The following PTPRG variants were observed in gnomAD, a reference collection of about 807,000 sequenced individuals.
The protein encoded by PTPRG is receptor-type tyrosine-protein phosphatase gamma.
Under a neutral mutation model 165.3 loss-of-function variants are expected in PTPRG, and 102 were observed. The observed-to-expected ratio is 0.62, with a 90% CI of 0.53 to 0.73. The LOEUF (loss-of-function observed/expected upper bound fraction) is 0.73, where lower values mean the gene tolerates loss of function less well. PTPRG is among the 30% of genes least tolerant of loss of function. The probability of loss-of-function intolerance (pLI) is 0.00; values close to 1 mark genes in which losing one functional copy is unlikely to be tolerated. For synonymous variants in PTPRG, 675 were observed against 669.5 expected, an observed-to-expected ratio of 1.01 and a Z score of -0.13; for missense variants, 1,866 against 1,861.4, an observed-to-expected ratio of 1.00 and a Z score of -0.05.
intron 3 of PTPRG, among the ~76,000 whole-genome samples, chr3:62,000,565 G>T (rs924850983): frequency 3.9e-5 from 6 of 152,158 alleles, no homozygotes; most frequent in Non-Finnish European, 5.9e-5. Flanking sequence ...ATTTTCTTGA[G>T]AAGCCTTCTC....
chr3:62,068,694 A>C (rs1031900498), intron 4 of PTPRG, among the ~76,000 whole-genome samples: 1 of 152,020 alleles, frequency 6.6e-6, no homozygotes, highest in African/African-American at 2.4e-5. Flanking sequence ...AGGTCTCCCT[A>C]TGTTTCTCAG....
chr3:61,758,794 T>G (rs1198169817), intron 2 of PTPRG, among the ~76,000 whole-genome samples: 2 of 152,078 alleles, frequency 1.3e-5, no homozygotes, highest in African/African-American at 4.8e-5. Context: ...CTTCTCTTGG[T>G]GGGGTGGTCT....
intron 4 of PTPRG, among the ~76,000 whole-genome samples, chr3:62,017,496 A>G (rs1258484213): frequency 2.0e-5 from 3 of 151,310 alleles, no homozygotes; most frequent in African/African-American, 7.3e-5. Context: ...GCTCACTGCG[A>G]GCTCCGCCTC....
chr3:61,989,239 G>A (rs2040829462), intron 2 of PTPRG, among the ~76,000 whole-genome samples: 1 of 152,062 alleles, frequency 6.6e-6, no homozygotes, highest in Non-Finnish European at 1.5e-5. Context: ...TTGTATTTAG[G>A]ATATTGCCCA....
At chr3:61,801,619 T>C (rs1249134862) in intron 2 of PTPRG, among the ~76,000 whole-genome samples, 1 of 152,092 alleles carries the variant, frequency 6.6e-6, no homozygotes, top group Non-Finnish European at 1.5e-5. Context: ...AACGTCTGTG[T>C]TGGCCTCAGT....
chr3:62,001,647 GATATT>G (rs1366357314), intron 3 of PTPRG, among the ~76,000 whole-genome samples: 2 of 151,672 alleles, frequency 1.3e-5, no homozygotes, highest in South Asian at 2.1e-4. Context: ...TATCTTCTAA[GATATT>G]ATATTTTAAG....
At chr3:61,645,175 A>G (rs1261701383) in intron 1 of PTPRG, among the ~76,000 whole-genome samples, 8 of 152,350 alleles carry the variant, frequency 5.3e-5, no homozygotes, top group East Asian at 1.9e-4. Context: ...AATATTGACA[A>G]TGATTAACAC....
At chr3:61,718,311 A>C (rs1453338687) in intron 1 of PTPRG, among the ~76,000 whole-genome samples, 1 of 151,392 alleles carries the variant, frequency 6.6e-6, no homozygotes, top group African/African-American at 2.4e-5. Flanking sequence ...CTTTAGTTTT[A>C]AAAATTCATT....
chr3:61,725,291 A>G (rs1051547163), intron 1 of PTPRG, among the ~76,000 whole-genome samples: 1 of 151,898 alleles, frequency 6.6e-6, no homozygotes, highest in Non-Finnish European at 1.5e-5. Context: ...TAATTTTTGT[A>G]TTTTTAGTAG....
At chr3:61,875,562 G>A (rs1395771448) in intron 2 of PTPRG, among the ~76,000 whole-genome samples, 1 of 152,036 alleles carries the variant, frequency 6.6e-6, no homozygotes, top group Non-Finnish European at 1.5e-5. Context: ...TTGGGACTTG[G>A]GTAACTGACG....
At chr3:61,706,726 G>A (rs1239193180) in intron 1 of PTPRG, among the ~76,000 whole-genome samples, 2 of 152,024 alleles carry the variant, frequency 1.3e-5, no homozygotes, top group Non-Finnish European at 2.9e-5. Context: ...CTGACCTCAG[G>A]TGATCCACCC....
chr3:61,614,658 C>T (rs1461141436), intron 1 of PTPRG, among the ~76,000 whole-genome samples: 2 of 152,226 alleles, frequency 1.3e-5, no homozygotes, highest in South Asian at 2.1e-4. Context: ...GCAATCCACC[C>T]GCTTTGGCCT....
chr3:61,985,882 T>C (rs2107686300), intron 2 of PTPRG, among the ~76,000 whole-genome samples: 1 of 152,282 alleles, frequency 6.6e-6, no homozygotes. Flanking sequence ...AATTTGCACA[T>C]GGATTCTTTC....
chr3:62,100,918 A>C (rs1340908569), intron 5 of PTPRG, among the ~76,000 whole-genome samples: 1 of 152,052 alleles, frequency 6.6e-6, no homozygotes, highest in South Asian at 2.1e-4. Flanking sequence ...TTCTTTTTCT[A>C]CCTCTCTGCT....
At chr3:62,200,152 T>C (rs1038359457) in intron 10 of PTPRG, among the ~76,000 whole-genome samples, 4 of 152,158 alleles carry the variant, frequency 2.6e-5, no homozygotes, top group Non-Finnish European at 5.9e-5. Flanking sequence ...ATGACAAAGT[T>C]CTGGAGACGG....
intron 1 of PTPRG, among the ~76,000 whole-genome samples, chr3:61,688,078 G>A (rs964042414): frequency 3.9e-5 from 6 of 152,212 alleles, no homozygotes; most frequent in African/African-American, 1.4e-4. Flanking sequence ...GAGTGTGGCT[G>A]ACATCACTTT....
At chr3:61,847,377 C>G (rs1265060707) in intron 2 of PTPRG, among the ~76,000 whole-genome samples, 2 of 152,168 alleles carry the variant, frequency 1.3e-5, no homozygotes, top group African/African-American at 2.4e-5. Flanking sequence ...CCCCTCATGG[C>G]TCTGAGAAGG....
At chr3:62,293,061 T>G in intron 29 of PTPRG, 100 bp from the exon 30 acceptor site, 1 of 1,022,024 alleles carries the variant, frequency 9.8e-7, no homozygotes, top group Non-Finnish European at 1.4e-6. Context: ...GCTGTTTCTC[T>G]AGTGTGTTTT....
chr3:61,925,873 C>T, intron 2 of PTPRG: 1 of 494,634 alleles, frequency 2.0e-6, no homozygotes, highest in Non-Finnish European at 4.1e-6. Context: ...GGGATGAATA[C>T]ATTACTGTTC....
Sources: gnomAD v4.1 joint callset for allele counts (sites outside exome capture counted in the v4.1 genomes callset) on GRCh38, gnomAD v4.1.1 for gene constraint, MANE v1.5 for transcripts, NCBI Gene and HGNC (gene_info 2026-07-23, HGNC 2026-07-21) for gene names.